GRIN2B: variants seen among roughly 807,000 people sequenced by gnomAD.
The protein encoded by GRIN2B is glutamate receptor ionotropic, NMDA 2B.
In GRIN2B, 5 loss-of-function variants were observed where a neutral mutation model predicts 114.5. That is an observed-to-expected ratio of 0.04 (90% CI 0.02 to 0.09). The LOEUF (loss-of-function observed/expected upper bound fraction) is 0.09. Among genes scored for constraint, GRIN2B ranks in the 10% least tolerant of loss-of-function variants. The pLI, the probability that GRIN2B is intolerant of heterozygous loss-of-function variation, is 1.00. For synonymous variants in GRIN2B, 787 were observed against 745.1 expected, an observed-to-expected ratio of 1.06 and a Z score of -0.92; for missense variants, 1,108 against 1,943.5, an observed-to-expected ratio of 0.57 and a Z score of 8.08.
At chr12:13,866,252 T>TA in intron 2 of GRIN2B, 26 bp from the exon 3 acceptor site, 1 of 1,588,566 alleles carries the variant, frequency 6.3e-7, no homozygotes, top group Non-Finnish European at 8.5e-7. Context: ...AAGAGCATGT[T>TA]AAAATAGGAT....
At chr12:13,586,649 G>C (rs930033143) in intron 10 of GRIN2B, among the ~76,000 whole-genome samples, 4 of 152,220 alleles carry the variant, frequency 2.6e-5, no homozygotes, top group Non-Finnish European at 4.4e-5. Flanking sequence ...TAGCAGCACA[G>C]TTGGAGACCT....
rs1369057547 is a variant in GRIN2B at position 13,615,788 on chromosome 12, C to T, written c.1329-124G>A. On this transcript the variant is annotated intron_variant, in intron 6 of 13. Transcript: ENST00000609686. The surrounding 1 kb of genome is among the most constrained non-coding windows in gnomAD (Gnocchi z 5.8). ...AGCAGGCCCCCTTCACAGCTCAGCA[C>T]AATTTATACTAGACTCGAGTGAAGA... is the stretch of plus-strand genomic sequence containing the variant. 13 of 778,884 alleles carry T rather than the reference C, an allele frequency of 1.7e-5. No homozygotes were observed. The highest frequency in any genetic ancestry group is 4.6e-6 in the Non-Finnish European group (2 of 433,468). The allele number at this position is 778,884 out of a possible 1,614,324, so 48.2% of individuals were successfully genotyped here.
intron 2 of GRIN2B, among the ~76,000 whole-genome samples, chr12:13,931,804 A>G (rs893776433): frequency 6.6e-6 from 1 of 152,060 alleles, no homozygotes; most frequent in Admixed American, 6.5e-5. Context: ...ATCCCTCCAT[A>G]TGCAACCTCC....
chr12:13,929,847 A>C (rs1269370535), intron 2 of GRIN2B, among the ~76,000 whole-genome samples: 3 of 152,234 alleles, frequency 2.0e-5, no homozygotes, highest in Admixed American at 1.3e-4. Flanking sequence ...GCAATGGTTA[A>C]GTGAGATACA....
intron 10 of GRIN2B, among the ~76,000 whole-genome samples, chr12:13,580,780 A>G (rs536206414): frequency 6.6e-6 from 1 of 152,222 alleles, no homozygotes; most frequent in Non-Finnish European, 1.5e-5. Context: ...CACAATCAAG[A>G]CACAAAACAA....
At chr12:13,637,125 T>G (rs1037983613) in intron 5 of GRIN2B, among the ~76,000 whole-genome samples, 1 of 152,104 alleles carries the variant, frequency 6.6e-6, no homozygotes, top group Non-Finnish European at 1.5e-5. Flanking sequence ...TTGAGAGACA[T>G]TGACATTTAG....
At chr12:13,880,057 AC>A (rs1866047148) in intron 2 of GRIN2B, among the ~76,000 whole-genome samples, 1 of 152,096 alleles carries the variant, frequency 6.6e-6, no homozygotes, top group Non-Finnish European at 1.5e-5. Context: ...AGGACCTGAC[AC>A]CCCTGCACAG....
At chr12:13,976,932 C>T (rs774055442) in intron 2 of GRIN2B, among the ~76,000 whole-genome samples, 8 of 152,146 alleles carry the variant, frequency 5.3e-5, no homozygotes, top group Non-Finnish European at 7.4e-5. Context: ...CATTTGCCCA[C>T]CTCCCAGGTG....
At chr12:13,719,491 A>G (rs938040007) in intron 4 of GRIN2B, among the ~76,000 whole-genome samples, 1 of 152,054 alleles carries the variant, frequency 6.6e-6, no homozygotes, top group African/African-American at 2.4e-5. Flanking sequence ...AAACAAGAGA[A>G]GTCCATCTTA....
intron 2 of GRIN2B, among the ~76,000 whole-genome samples, chr12:13,932,952 C>CGTGTGTGTGTGT (rs5796568): frequency 4.7e-5 from 7 of 148,694 alleles, no homozygotes; most frequent in African/African-American, 1.2e-4. Context: ...AGGGCTTTGT[C>CGTGTGTGTGTGT]GTGTGTGTGT....
At chr12:13,590,419 T>C (rs1436806503) in intron 10 of GRIN2B, among the ~76,000 whole-genome samples, 1 of 152,094 alleles carries the variant, frequency 6.6e-6, no homozygotes, top group South Asian at 2.1e-4. Context: ...TGCTGGTGTG[T>C]GATGTTCCCC....
chr12:13,972,046 G>C (rs1862932017), intron 2 of GRIN2B, among the ~76,000 whole-genome samples: 1 of 152,122 alleles, frequency 6.6e-6, no homozygotes, highest in African/African-American at 2.4e-5. Context: ...ATAATGTTTA[G>C]AGCTAACAGG....
chr12:13,812,442 C>G (rs1464177234), intron 3 of GRIN2B, among the ~76,000 whole-genome samples: 6 of 150,984 alleles, frequency 4.0e-5, no homozygotes, highest in Non-Finnish European at 7.4e-5. Flanking sequence ...TCTCCCTAAT[C>G]TCTGTTTTGA....
At chr12:13,608,005 T>C (rs1362421195) in intron 10 of GRIN2B, among the ~76,000 whole-genome samples, 1 of 124,740 alleles carries the variant, frequency 8.0e-6, no homozygotes, top group Non-Finnish European at 1.6e-5. Context: ...CACTTTCCCT[T>C]CTCTCTCAAT....
intron 3 of GRIN2B, among the ~76,000 whole-genome samples, chr12:13,754,286 TGTCAGTTCAG>T (rs753748617): frequency 5.7e-4 from 87 of 152,306 alleles, no homozygotes; most frequent in Admixed American, 1.4e-3. Context: ...AACGGCCTCA[TGTCAGTTCAG>T]GTCAGGTTTT....
At chr12:13,719,119 T>A (rs1264741204) in intron 4 of GRIN2B, among the ~76,000 whole-genome samples, 1 of 151,916 alleles carries the variant, frequency 6.6e-6, no homozygotes, top group Non-Finnish European at 1.5e-5. Flanking sequence ...CGCACTCTCT[T>A]CCATTTCCAG....
At chr12:13,876,537 A>G (rs1353419913) in intron 2 of GRIN2B, among the ~76,000 whole-genome samples, 1 of 152,212 alleles carries the variant, frequency 6.6e-6, no homozygotes, top group African/African-American at 2.4e-5. Context: ...CTCATGGGTA[A>G]TGTAAACAAT....
rs952652773 is a variant in GRIN2B at position 13,682,040 on chromosome 12, T to C, written c.1011-6181A>G. Among the ~76,000 whole-genome samples, 8 of 152,158 alleles carry C rather than the reference T, an allele frequency of 5.3e-5. 1 individual carries two copies. The highest frequency in any genetic ancestry group is 1.9e-4 in the African/African-American group (8 of 41,446). On this transcript the variant is annotated intron_variant, in intron 4 of 13. Coordinates refer to ENST00000609686, the MANE Select transcript of GRIN2B (RefSeq NM_000834.5). ...AAAGCTACCTAATTACAGACTGGTA[T>C]TGGAGAAAAGAGGCAAAGATATTTA... is the stretch of plus-strand genomic sequence containing the variant.
chr12:13,630,920 G>A (rs1429993794), intron 5 of GRIN2B, among the ~76,000 whole-genome samples: 1 of 152,166 alleles, frequency 6.6e-6, no homozygotes, highest in Non-Finnish European at 1.5e-5. Context: ...GAGGCCCCAG[G>A]AAACTCAAAA....
Sources: allele counts gnomAD v4.1 joint callset (sites outside exome capture counted in the v4.1 genomes callset), GRCh38; gene constraint gnomAD v4.1.1; non-coding constraint Gnocchi (gnomAD v3.1); transcripts MANE v1.5; gene names NCBI Gene and HGNC (gene_info 2026-07-23, HGNC 2026-07-21).